TRIM44: variants seen among roughly 807,000 people sequenced by gnomAD.
TRIM44 encodes the protein tripartite motif containing 44.
In TRIM44, 13 loss-of-function variants were observed where a neutral mutation model predicts 37.4. The ratio of observed to expected loss-of-function variants is 0.35; its 90% CI spans 0.23 to 0.55. The LOEUF is 0.55. Among genes scored for constraint, TRIM44 ranks in the 20% least tolerant of loss-of-function variants. TRIM44 has a pLI of 0.89. For synonymous variants in TRIM44, 175 were observed against 157.2 expected (o/e 1.11, Z -0.85); for missense variants, 426 against 437.2 (o/e 0.97, Z 0.23).
intron 4 of TRIM44, among the ~76,000 whole-genome samples, chr11:35,766,095 C>T (rs561031833): frequency 3.3e-4 from 50 of 152,310 alleles, no homozygotes; most frequent in African/African-American, 1.2e-3. Context: ...TTTTGCATCA[C>T]TCTCTACCTT....
chr11:35,781,013 A>C (rs1005566496), intron 4 of TRIM44, among the ~76,000 whole-genome samples: 3 of 152,156 alleles, frequency 2.0e-5, no homozygotes, highest in African/African-American at 7.2e-5. Flanking sequence ...GAAGAAAATA[A>C]TTTTTGATAG....
intron 4 of TRIM44, among the ~76,000 whole-genome samples, chr11:35,746,802 A>G (rs1852497627): frequency 6.6e-6 from 1 of 152,298 alleles, no homozygotes; most frequent in Non-Finnish European, 1.5e-5. Context: ...TTCATAAAAT[A>G]AATGCTTTCT....
intron 2 of TRIM44, chr11:35,724,489 T>C (rs949618561): frequency 6.6e-6 from 1 of 152,242 alleles, no homozygotes; most frequent in Non-Finnish European, 1.5e-5. Context: ...TCCTTTTGTC[T>C]ACGGTTTACT....
intron 4 of TRIM44, 47 bp downstream of exon 4, chr11:35,735,492 G>A: frequency 6.2e-7 from 1 of 1,603,488 alleles, no homozygotes; most frequent in Non-Finnish European, 8.5e-7. Flanking sequence ...GAAGTAGAGT[G>A]ACATTTGTGG....
intron 4 of TRIM44, among the ~76,000 whole-genome samples, chr11:35,745,990 G>A (rs140728750): frequency 6.6e-6 from 1 of 152,108 alleles, no homozygotes; most frequent in East Asian, 1.9e-4. Flanking sequence ...CTGTAGTTTA[G>A]TTCCTTCTAA....
intron 2 of TRIM44, among the ~76,000 whole-genome samples, chr11:35,705,588 A>G (rs541261356): frequency 6.6e-6 from 1 of 151,922 alleles, no homozygotes; most frequent in East Asian, 1.9e-4. Flanking sequence ...CAATCAAACT[A>G]GAACTCAGGA....
chr11:35,750,025 C>T (rs550423636), intron 4 of TRIM44, among the ~76,000 whole-genome samples: 55 of 152,258 alleles, frequency 3.6e-4, no homozygotes, highest in Admixed American at 3.6e-3. Context: ...AAATTAAGTA[C>T]CGTCTTAAAG....
At chr11:35,761,318 G>A (rs147809494) in intron 4 of TRIM44, among the ~76,000 whole-genome samples, 48 of 152,192 alleles carry the variant, frequency 3.2e-4, no homozygotes, top group African/African-American at 9.4e-4. Flanking sequence ...TCAAGCTCCC[G>A]AATGGCAGAG....
intron 2 of TRIM44, among the ~76,000 whole-genome samples, chr11:35,696,191 T>C (rs1851695581): frequency 6.6e-6 from 1 of 151,224 alleles, no homozygotes; most frequent in Non-Finnish European, 1.5e-5. Context: ...TCGCCCAGTC[T>C]GGAGTGCAGT....
At position 35,725,746 on chromosome 11, in the gene TRIM44, G is replaced by T. The variant is rs11033258; in HGVS notation, c.748-178G>T. On this transcript the variant is annotated intron_variant, in intron 2 of 4. Transcript: ENST00000299413. ...CCCTGAAGAATGAAAAAGGCAAAAA[G>T]ATTAGCAGGAAATTCATCAATGATA... Among the ~76,000 whole-genome samples, 2,114 of 152,266 alleles carry T rather than the reference G, an allele frequency of 0.014. 120 individuals carry two copies. The East Asian group carries it at 0.14, about 10-fold the overall frequency.
At position 35,778,151 on chromosome 11, in the gene TRIM44, G is replaced by A. The variant is rs536877825; in HGVS notation, c.1008-28207G>A. 2.3e-4 allele frequency among the ~76,000 whole-genome samples: 35 copies of A among 152,092 alleles called. No individual in the cohort carries two copies. The East Asian group carries it at 4.1e-3, about 18-fold the overall frequency. On this transcript the variant is annotated intron_variant, in intron 4 of 4. Coordinates refer to ENST00000299413, the MANE Select transcript of TRIM44 (RefSeq NM_017583.6). ...CCCATATTTCTTGGAGGCTTTGTTC[G>A]TTTCTTTTTACTCTTTTTTCTCTAA... is the stretch of plus-strand genomic sequence containing the variant.
chr11:35,778,361 C>CT (rs1183486836), intron 4 of TRIM44, among the ~76,000 whole-genome samples: 8 of 151,992 alleles, frequency 5.3e-5, no homozygotes, highest in African/African-American at 1.7e-4. Context: ...TTCATCTAAC[C>CT]TTGTTTCAAG....
intron 4 of TRIM44, among the ~76,000 whole-genome samples, chr11:35,786,952 C>T (rs1853139057): frequency 6.6e-6 from 1 of 152,008 alleles, no homozygotes; most frequent in African/African-American, 2.4e-5. Context: ...TCCCTTCTGC[C>T]CTCCCCATCC....
Position 35,743,391 on chromosome 11 carries a change from TC to T in TRIM44, c.1007+7948del, listed in dbSNP as rs552768504. 5.5e-3 allele frequency among the ~76,000 whole-genome samples: 839 copies of T among 152,334 alleles called. 5 individuals are homozygous for T. The highest frequency in any genetic ancestry group is 8.4e-3 in the Non-Finnish European group (571 of 68,034). ...AGACTTCTGAATCTTACAGGTTTCTTCCTCCAGTCACATCTCATGATTTGTT... is the reference window on the plus strand; with the variant it reads ...AGACTTCTGAATCTTACAGGTTTCTTCTCCAGTCACATCTCATGATTTGTT... On this transcript the variant is annotated intron_variant, in intron 4 of 4. Transcript: ENST00000299413.
Position 35,816,485 on chromosome 11 carries a change from T to C in TRIM44, c.*10100T>C, listed in dbSNP as rs1418233759. ...ACTGGCATCAGATAATACAATGTAA[T>C]TGATTTTATGTGTGTAATTGGGGAA... On this transcript the variant is annotated 3_prime_UTR_variant, in exon 5 of 5. Transcript: ENST00000299413. 6.6e-6 allele frequency: 1 copy of C among 152,202 alleles called. No homozygotes were observed. Among genetic ancestry groups the C allele is most frequent in the Non-Finnish European group, 1.5e-5 (1 of 68,040 alleles). 9.4% of individuals were successfully genotyped at this position (152,202 alleles called of 1,614,324 possible).
At chr11:35,674,735 G>A (rs1297167348) in intron 1 of TRIM44, among the ~76,000 whole-genome samples, 2 of 152,092 alleles carry the variant, frequency 1.3e-5, no homozygotes, top group African/African-American at 2.4e-5. Context: ...ACTGTGTGGT[G>A]GATACGAAGA....
At position 35,814,339 on chromosome 11, in the gene TRIM44, C is replaced by G. The variant is rs1489440796; in HGVS notation, c.*7954C>G. 3 of 152,166 alleles carry G rather than the reference C, an allele frequency of 2.0e-5. No individual in the cohort carries two copies. In the East Asian group the frequency reaches 5.8e-4, roughly 29 times the overall value. The allele number at this position is 152,166 out of a possible 1,614,324, so 9.4% of individuals were successfully genotyped here. On this transcript the variant is annotated 3_prime_UTR_variant, in exon 5 of 5. Coordinates refer to ENST00000299413, the MANE Select transcript of TRIM44 (RefSeq NM_017583.6). ...GCAAAAGACACATGAAGTTATGTGG[C>G]AGTTCCTCACTAGGGAATTTGGTCT...
At chr11:35,690,299 C>T (rs1026038083) in intron 2 of TRIM44, among the ~76,000 whole-genome samples, 2 of 152,148 alleles carry the variant, frequency 1.3e-5, no homozygotes, top group African/African-American at 4.8e-5. Context: ...AAGAACTCTG[C>T]AATCATTTGT....
intron 4 of TRIM44, among the ~76,000 whole-genome samples, chr11:35,774,150 T>TA (rs1157134146): frequency 4.6e-5 from 7 of 152,234 alleles, no homozygotes; most frequent in African/African-American, 1.7e-4. Context: ...CCTGACTTTT[T>TA]AATAATTGCC....
Sources: gnomAD v4.1 joint callset for allele counts (sites outside exome capture counted in the v4.1 genomes callset) on GRCh38, gnomAD v4.1.1 for gene constraint, MANE v1.5 for transcripts, NCBI Gene and HGNC (gene_info 2026-07-23, HGNC 2026-07-21) for gene names.